The following MPZ variants were observed in gnomAD, a reference collection of about 807,000 sequenced individuals.
MPZ encodes myelin protein P0.
MPZ carries 13 observed loss-of-function variants against 27.9 expected under a neutral mutation model. The ratio of observed to expected loss-of-function variants is 0.47; its 90% CI spans 0.30 to 0.74. The LOEUF is 0.74. MPZ is among the 30% of genes least tolerant of loss of function. The pLI is 0.06. For missense variants in MPZ, 256 were observed against 317.5 expected, an observed-to-expected ratio of 0.81 and a Z score of 1.47; for synonymous variants, 118 against 128.9, an observed-to-expected ratio of 0.92 and a Z score of 0.57.
Position 161,306,730 on chromosome 1 carries a change from G to T in MPZ, c.426C>A (p.Val142=). The T allele has an allele frequency of 6.2e-7, 1 of 1,614,034 alleles. No individual in the cohort carries two copies. The highest frequency in any genetic ancestry group is 1.1e-5 in the South Asian group (1 of 91,064). ...PPDIVGKTSQ[V]TLYVFEKVPT... ...CACCTTTTTCAAAGACATACAGCGT[G>T]ACCTGAGAGGTCTTGCCCACTATGT... The change falls in exon 3 of 6, where the codon GTC becomes GTA. Residue 142 remains valine, a synonymous_variant. Transcript: ENST00000533357.
intron 1 of MPZ, 152 bp from the exon 2 acceptor site, chr1:161,307,576 C>A: frequency 1.4e-6 from 1 of 739,634 alleles, no homozygotes. Flanking sequence ...TCTCTGGGGA[C>A]TAACTGAACA....
In MPZ at chr1:161,306,116, C is replaced by A; in HGVS notation, c.637G>T (p.Gly213Trp). 2 of 1,614,240 alleles carry A rather than the reference C, an allele frequency of 1.2e-6. No homozygotes were observed. Among genetic ancestry groups the A allele is most frequent in the Non-Finnish European group, 1.7e-6 (2 of 1,180,042 alleles). The change falls in exon 5 of 6, where the codon GGG (glycine) becomes TGG (tryptophan). Residue 213 changes from glycine to tryptophan, a missense_variant. Around this residue, in one of 2 missense-constraint regions of MPZ, gnomAD observed 101 missense variants for 93.6 expected, o/e 1.08. Coordinates refer to ENST00000533357, the MANE Select transcript of MPZ (RefSeq NM_000530.8). ...CCCCAAGTCCCGCTAACCTGCCGCC[C>A]GCGCTTCGACGCGTCCTTTCCTGGC... Reference protein sequence around the residue: ...HKPGKDASKRGRQTPVLYAML... With the variant: ...HKPGKDASKRWRQTPVLYAML...
chr1:161,307,038 A>AAAAAAAAAAAAAC, intron 2 of MPZ, 117 bp from the exon 3 acceptor site: 1 of 863,604 alleles, frequency 1.2e-6, no homozygotes, highest in Non-Finnish European at 1.8e-6. Flanking sequence ...AAAAAAAAAA[A>AAAAAAAAAAAAAC]GCTTCGCTCC....
In MPZ at chr1:161,306,375, G is replaced by C. The variant is rs1385085988; in HGVS notation, c.538C>G (p.Arg180Gly). The C allele has an allele frequency of 6.2e-7, 1 of 1,614,136 alleles. No individual in the cohort carries two copies. The highest frequency in any genetic ancestry group is 8.5e-7 in the Non-Finnish European group (1 of 1,180,026). The change falls in exon 4 of 6, where the codon CGG (arginine) becomes GGG (glycine). Residue 180 changes from arginine to glycine, a missense_variant. Physicochemically the swap from Arg to Gly is moderately radical, Grantham distance 125. Transcript: ENST00000533357. ...GCCTGCCTGCGTAGCCAGCAGTACC[G>C]AACCACGTAGAAAAGCAGCAGCAGC... ...LLLLLLFYVV[R>G]YCWLRRQAAL... is the part of the protein sequence containing the mutation.
In MPZ at chr1:161,304,823, C is replaced by T. The variant is rs1670186654; in HGVS notation, c.*1053G>A. ...AGAATGTAGAAAAATCCTAAGAATC[C>T]CCTGTGGCTGCAGTGCAGCCTCTTC... is the stretch of plus-strand genomic sequence containing the variant. On this transcript the variant is annotated 3_prime_UTR_variant, in exon 6 of 6. Transcript: ENST00000533357. The T allele has an allele frequency of 6.6e-6, 1 of 152,280 alleles. No individual in the cohort carries two copies. The highest frequency in any genetic ancestry group is 2.4e-5 in the African/African-American group (1 of 41,268). The allele number at this position is 152,280 out of a possible 1,614,324, so 9.4% of individuals were successfully genotyped here.
In MPZ at chr1:161,305,982, G is replaced by C. The variant is rs201115971; in HGVS notation, c.646-5C>G. On this transcript the variant is annotated splice_region_variant and splice_polypyrimidine_tract_variant and intron_variant, in intron 5 of 5. Coordinates refer to ENST00000533357, the MANE Select transcript of MPZ (RefSeq NM_000530.8). Reference sequence around the variant, plus strand: ...CATTGCATACAGCACTGGCGTCTGGGGGAGGGGCGCACACATCAGTCACCG... The same window carrying C: ...CATTGCATACAGCACTGGCGTCTGGCGGAGGGGCGCACACATCAGTCACCG... 4 of 1,613,766 alleles carry C rather than the reference G, an allele frequency of 2.5e-6. No individual in the cohort carries two copies. Among genetic ancestry groups the C allele is most frequent in the Non-Finnish European group, 8.5e-7 (1 of 1,179,724 alleles).
intron 1 of MPZ, 143 bp from the exon 2 acceptor site, chr1:161,307,567 C>A: frequency 2.5e-6 from 2 of 800,856 alleles, no homozygotes; most frequent in Non-Finnish European, 4.1e-6. Context: ...AGCCCCAAGT[C>A]TCTGGGGACT....
At chr1:161,307,502 T>C in intron 1 of MPZ, 78 bp from the exon 2 acceptor site, 2 of 1,567,648 alleles carry the variant, frequency 1.3e-6, no homozygotes, top group Non-Finnish European at 1.8e-6. Flanking sequence ...CAGTAGGAAA[T>C]CAAGTGCTGA....
Position 161,305,838 on chromosome 1 carries a change from A to ACCCCAAAACCCCCAAACCCCCCCCCGC in MPZ, c.*37_*38insGCGGGGGGGGGTTTGGGGGTTTTGGGG. 6.8e-7 allele frequency: 1 copy of ACCCCAAAACCCCCAAACCCCCCCCCGC among 1,463,590 alleles called. No homozygotes were observed. Among genetic ancestry groups the ACCCCAAAACCCCCAAACCCCCCCCCGC allele is most frequent in the Non-Finnish European group, 9.5e-7 (1 of 1,051,210 alleles). The allele number at this position is 1,463,590 out of a possible 1,614,324, so 90.7% of individuals were successfully genotyped here. On this transcript the variant is annotated 3_prime_UTR_variant, in exon 6 of 6. Coordinates refer to ENST00000533357, the MANE Select transcript of MPZ (RefSeq NM_000530.8). ...CACCTTTGGGCCTTTGGCGGACTCCACCCCTAACCCCCGATCCCCCGCCCG... is the reference window on the plus strand; with the variant it reads ...CACCTTTGGGCCTTTGGCGGACTCCACCCCAAAACCCCCAAACCCCCCCCCGCCCCCTAACCCCCGATCCCCCGCCCG...
intron 4 of MPZ, 33 bp downstream of exon 4, chr1:161,306,296 A>G: frequency 1.2e-6 from 2 of 1,613,678 alleles, no homozygotes; most frequent in South Asian, 1.1e-5. Context: ...GATAGTGGGG[A>G]GAGGGGGAGG....
chr1:161,305,825 T>C lies in MPZ; in HGVS notation c.*51A>G. ...TCTCGATGACCATCACCTTTGGGCC[T>C]TTGGCGGACTCCACCCCTAACCCCC... is the stretch of plus-strand genomic sequence containing the variant. On this transcript the variant is annotated 3_prime_UTR_variant, in exon 6 of 6. Transcript: ENST00000533357. 1 of 1,386,852 alleles carries C rather than the reference T, an allele frequency of 7.2e-7. No individual in the cohort carries two copies. Among genetic ancestry groups the C allele is most frequent in the African/African-American group, 1.4e-5 (1 of 70,738 alleles). 85.9% of individuals were successfully genotyped at this position (1,386,852 alleles called of 1,614,324 possible).
At chr1:161,309,730 C>T in intron 1 of MPZ, 109 bp downstream of exon 1, 3 of 907,880 alleles carry the variant, frequency 3.3e-6, no homozygotes, top group Non-Finnish European at 5.3e-6. Flanking sequence ...CACCTTCCTG[C>T]TCCTGCTTGT....
At chr1:161,309,017 G>A (rs1281246925) in intron 1 of MPZ, among the ~76,000 whole-genome samples, 1 of 152,156 alleles carries the variant, frequency 6.6e-6, no homozygotes, top group African/African-American at 2.4e-5. Context: ...CTAGGATTCA[G>A]GGCAGTTCAG....
Position 161,307,168 on chromosome 1 carries a change from G to T in MPZ, c.234+90C>A, listed in dbSNP as rs1379246391. On this transcript the variant is annotated intron_variant, in intron 2 of 5. Coordinates refer to ENST00000533357, the MANE Select transcript of MPZ (RefSeq NM_000530.8). ...AAAGTTGGGGTTATGGCTCAAAAAGGATTTCCCCCTCCTTAGCCCAAGTTA... is the reference window on the plus strand; with the variant it reads ...AAAGTTGGGGTTATGGCTCAAAAAGTATTTCCCCCTCCTTAGCCCAAGTTA... 9 of 1,537,914 alleles carry T rather than the reference G, an allele frequency of 5.9e-6. No individual in the cohort carries two copies. The Admixed American group carries it at 8.9e-5, about 15-fold the overall frequency.
At position 161,309,552 on chromosome 1, in the gene MPZ, A is replaced by ATT. The variant is rs1215409194; in HGVS notation, c.67+285_67+286dup. On this transcript the variant is annotated intron_variant, in intron 1 of 5. Coordinates refer to ENST00000533357, the MANE Select transcript of MPZ (RefSeq NM_000530.8). Reference sequence around the variant, plus strand: ...TTTCTTTTCATATATATATATATATATTTTTTTTTTTTTTGAATTTTACAG... The same window carrying ATT: ...TTTCTTTTCATATATATATATATATATTTTTTTTTTTTTTTTGAATTTTACAG... 9.5e-3 allele frequency among the ~76,000 whole-genome samples: 766 copies of ATT among 80,618 alleles called. 26 individuals are homozygous for ATT. The highest frequency in any genetic ancestry group is 0.035 in the African/African-American group (611 of 17,322). The allele number at this position is 80,618 out of a possible 152,430, so 52.9% of individuals were successfully genotyped here. A position where few individuals can be genotyped will look rare whatever the true frequency, so the allele number is the denominator to read the frequency against.
chr1:161,307,098 G>T (rs527924097), intron 2 of MPZ, among the ~76,000 whole-genome samples, 160 bp downstream of exon 2: 1 of 151,998 alleles, frequency 6.6e-6, no homozygotes, highest in Non-Finnish European at 1.5e-5. Flanking sequence ...CTGGAGAAGG[G>T]AGGACAATGT....
intron 1 of MPZ, 124 bp downstream of exon 1, chr1:161,309,712 TATA>T: frequency 1.2e-6 from 1 of 833,570 alleles, no homozygotes; most frequent in Non-Finnish European, 2.0e-6. Flanking sequence ...TCTTTCTGAA[TATA>T]ATGTCACCTT....
At position 161,305,909 on chromosome 1, in the gene MPZ, C is replaced by T. The variant is rs1455200299; in HGVS notation, c.714G>A (p.Lys238=). The part of the protein sequence containing the change: ...STKAVSEKKA[K]GLGESRKDKK The stretch of plus-strand genomic sequence containing the variant: ...TATCCTTGCGAGACTCCCCCAGCCC[C>T]TTGGCCTTCTTCTCACTGACAGCTT... Residue 238 remains lysine (K), a synonymous_variant, in exon 6 of 6, where the codon AAG becomes AAA. Coordinates refer to ENST00000533357, the MANE Select transcript of MPZ (RefSeq NM_000530.8). The T allele has an allele frequency of 6.2e-7, 1 of 1,613,976 alleles. No individual in the cohort carries two copies. Among genetic ancestry groups the T allele is most frequent in the East Asian group, 2.2e-5 (1 of 44,882 alleles).
In MPZ at chr1:161,305,969, C is replaced by T. The variant is rs1571817228; in HGVS notation, c.654G>A (p.Val218=). ...DASKRGRQTP[V]LYAMLDHSRS... is the part of the protein sequence containing the mutation. ...TGCTGTGGTCCAGCATTGCATACAG[C>T]ACTGGCGTCTGGGGGAGGGGCGCAC... Residue 218 remains valine (V), a synonymous_variant, in exon 6 of 6, where the codon GTG becomes GTA. Coordinates refer to ENST00000533357, the MANE Select transcript of MPZ (RefSeq NM_000530.8). 1 of 1,614,074 alleles carries T rather than the reference C, an allele frequency of 6.2e-7. No homozygotes were observed. The highest frequency in any genetic ancestry group is 1.1e-5 in the South Asian group (1 of 91,076).
Sources: allele counts gnomAD v4.1 joint callset (sites outside exome capture counted in the v4.1 genomes callset), GRCh38; gene constraint gnomAD v4.1.1; regional missense constraint gnomAD v4.1.1; transcripts MANE v1.5; gene names NCBI Gene and HGNC (gene_info 2026-07-23, HGNC 2026-07-21).